GALNTL5: variants seen among roughly 807,000 people sequenced by gnomAD.
GALNTL5 encodes polypeptide N-acetylgalactosaminyltransferase like 5, also known as inactive polypeptide N-acetylgalactosaminyltransferase-like protein 5.
In GALNTL5, 44 loss-of-function variants were observed where a neutral mutation model predicts 51.0. That is an observed-to-expected ratio of 0.86 (90% confidence interval 0.68 to 1.11). The LOEUF (loss-of-function observed/expected upper bound fraction) is 1.11. GALNTL5 is among the 50% of genes least tolerant of loss of function. GALNTL5 has a pLI of 0.00. For synonymous variants in GALNTL5, 192 were observed against 182.8 expected, an observed-to-expected ratio of 1.05 and a Z score of -0.41; for missense variants, 528 against 531.8, an observed-to-expected ratio of 0.99 and a Z score of 0.07.
At chr7:151,976,811 G>A (rs2081212143) in intron 3 of GALNTL5, among the ~76,000 whole-genome samples, 1 of 152,046 alleles carries the variant, frequency 6.6e-6, no homozygotes, top group Non-Finnish European at 1.5e-5. Context: ...GGGATTACAG[G>A]CGTGCACCAC....
At chr7:151,966,790 T>C (rs1298953996) in intron 1 of GALNTL5, among the ~76,000 whole-genome samples, 1 of 152,240 alleles carries the variant, frequency 6.6e-6, no homozygotes, top group Non-Finnish European at 1.5e-5. Context: ...GCCACAGTAC[T>C]CACTGCTCCC....
chr7:151,993,245 A>G (rs2081450026), intron 5 of GALNTL5, among the ~76,000 whole-genome samples: 1 of 152,076 alleles, frequency 6.6e-6, no homozygotes. Context: ...AAAAAAAAAA[A>G]AAAAGGAAGA....
chr7:151,994,474 G>A (rs1003315878), intron 5 of GALNTL5, among the ~76,000 whole-genome samples: 4 of 151,980 alleles, frequency 2.6e-5, no homozygotes, highest in African/African-American at 9.7e-5. Flanking sequence ...GGCCTGCCGT[G>A]ATGTGCTCCC....
intron 3 of GALNTL5, among the ~76,000 whole-genome samples, chr7:151,978,167 G>A (rs1023255795): frequency 1.3e-5 from 2 of 151,934 alleles, no homozygotes; most frequent in African/African-American, 4.8e-5. Context: ...ATTTTATTCA[G>A]ATTTAAATTT....
intron 1 of GALNTL5, among the ~76,000 whole-genome samples, chr7:151,963,065 CA>C (rs2081012321): frequency 1.3e-5 from 2 of 152,106 alleles, no homozygotes; most frequent in African/African-American, 4.8e-5. Context: ...TTGACTAGAT[CA>C]AGAATTGATG....
chr7:151,971,343 T>TCAC (rs1257859846), intron 3 of GALNTL5, among the ~76,000 whole-genome samples: 7 of 152,310 alleles, frequency 4.6e-5, no homozygotes, highest in African/African-American at 1.4e-4. Flanking sequence ...TTTTATTAAA[T>TCAC]CACCAATAAG....
In GALNTL5 at chr7:151,983,088, C is replaced by T; in HGVS notation, c.471C>T (p.Val157=). Residue 157 remains valine (V), a synonymous_variant, in exon 4 of 9, where the codon GTC becomes GTT. Transcript: ENST00000392800. The part of the protein sequence containing the change: ...CNALFQTMSS[V]TNLTPHYFLE... ...CCTTGTTTCAGACCATGTCCAGTGT[C>T]ACGAACCTCACGCCACACTATTTTC... The T allele has an allele frequency of 6.2e-7, 1 of 1,614,194 alleles. No individual in the cohort carries two copies. The highest frequency in any genetic ancestry group is 8.5e-7 in the Non-Finnish European group (1 of 1,180,008).
chr7:151,972,994 T>C (rs1009887046), intron 3 of GALNTL5, among the ~76,000 whole-genome samples: 84 of 152,132 alleles, frequency 5.5e-4, no homozygotes, highest in African/African-American at 2.0e-3. Context: ...GCTTGCACCA[T>C]GCACTTGGAA....
chr7:151,992,826 C>T (rs535029886), intron 5 of GALNTL5, among the ~76,000 whole-genome samples: 55 of 152,164 alleles, frequency 3.6e-4, no homozygotes, highest in Middle Eastern at 3.4e-3. Flanking sequence ...ACATAATACC[C>T]ATAGAAATGC....
chr7:151,964,231 T>C lies in GALNTL5; in HGVS notation c.-39-2977T>C, dbSNP rs142642472. Among the ~76,000 whole-genome samples, 6 of 152,320 alleles carry C rather than the reference T, an allele frequency of 3.9e-5. No homozygotes were observed. In the East Asian group the frequency reaches 5.8e-4, roughly 15 times the overall value. The stretch of plus-strand genomic sequence containing the variant: ...CCCACCCTGTGACCTCATATAACCA[T>C]AATTACCTCTTTAAAAGCTCTGTCT... On this transcript the variant is annotated intron_variant, in intron 1 of 8. Transcript: ENST00000392800.
intron 7 of GALNTL5, among the ~76,000 whole-genome samples, chr7:152,012,353 C>G (rs2081747425): frequency 6.6e-6 from 1 of 152,068 alleles, no homozygotes; most frequent in Admixed American, 6.5e-5. Flanking sequence ...GTTAGCCAGT[C>G]AGAATGGCTA....
chr7:151,964,873 T>C (rs936125251), intron 1 of GALNTL5, among the ~76,000 whole-genome samples: 1 of 152,096 alleles, frequency 6.6e-6, no homozygotes, highest in African/African-American at 2.4e-5. Context: ...CCCAGAACAA[T>C]TCTATCAATC....
chr7:151,962,664 A>C (rs967642711), intron 1 of GALNTL5, among the ~76,000 whole-genome samples: 10 of 151,992 alleles, frequency 6.6e-5, no homozygotes, highest in Admixed American at 5.9e-4. Flanking sequence ...ACTGGAGTGC[A>C]GTGGCATGAT....
intron 3 of GALNTL5, among the ~76,000 whole-genome samples, chr7:151,978,209 C>T (rs1365394210): frequency 6.6e-6 from 1 of 152,124 alleles, no homozygotes; most frequent in Admixed American, 6.5e-5. Flanking sequence ...ACATGATAGG[C>T]TTTCATTTTT....
chr7:152,018,801 A>C (rs1431247942), intron 8 of GALNTL5, among the ~76,000 whole-genome samples: 2 of 152,194 alleles, frequency 1.3e-5, no homozygotes, highest in Non-Finnish European at 2.9e-5. Context: ...TACAGTGGTC[A>C]CGGATCCCCA....
At chr7:151,983,456 G>C (rs1169677844) in intron 4 of GALNTL5, among the ~76,000 whole-genome samples, 1 of 152,176 alleles carries the variant, frequency 6.6e-6, no homozygotes, top group Non-Finnish European at 1.5e-5. Context: ...GGAATTACAG[G>C]TGTGAGCCAC....
chr7:152,010,712 G>A (rs1455044821), intron 7 of GALNTL5, among the ~76,000 whole-genome samples: 1 of 151,816 alleles, frequency 6.6e-6, no homozygotes, highest in East Asian at 2.0e-4. Context: ...AGGTTACAGT[G>A]AGCCGAGATC....
At chr7:152,018,177 C>A (rs2081843821) in intron 8 of GALNTL5, among the ~76,000 whole-genome samples, 1 of 152,140 alleles carries the variant, frequency 6.6e-6, no homozygotes, top group African/African-American at 2.4e-5. Flanking sequence ...CTTTTTTGTG[C>A]ATATTTTTGC....
chr7:151,957,376 T>C (rs1489449708), intron 1 of GALNTL5, among the ~76,000 whole-genome samples: 1 of 92,614 alleles, frequency 1.1e-5, no homozygotes, highest in Non-Finnish European at 2.2e-5. Context: ...AGACCTCATC[T>C]CTATTTAAAA....
Sources: allele counts gnomAD v4.1 joint callset (sites outside exome capture counted in the v4.1 genomes callset), GRCh38; gene constraint gnomAD v4.1.1; transcripts MANE v1.5; gene names NCBI Gene and HGNC (gene_info 2026-07-23, HGNC 2026-07-21).